Variants in PIEZO2 observed in about 807,000 individuals in gnomAD.
PIEZO2 encodes piezo-type mechanosensitive ion channel component 2.
In PIEZO2, 172 loss-of-function variants were observed where a neutral mutation model predicts 337.3. The observed-to-expected ratio is 0.51, with a 90% CI of 0.45 to 0.58. The LOEUF is 0.58. Ranked by LOEUF, PIEZO2 falls within the 20% of genes least tolerant of loss-of-function variation. The pLI is 0.00. For missense variants in PIEZO2, 3,028 were observed against 3,391.3 expected (o/e 0.89, Z 2.66); for synonymous variants, 1,251 against 1,228.5 (o/e 1.02, Z -0.38).
chr18:11,135,038 CAAA>C (rs5823137), intron 1 of PIEZO2, among the ~76,000 whole-genome samples: 1 of 137,826 alleles, frequency 7.3e-6, no homozygotes. Flanking sequence ...ATTAAGTAAG[CAAA>C]AAAAAAAAAA....
intron 1 of PIEZO2, among the ~76,000 whole-genome samples, chr18:11,085,516 C>T (rs2038879410): frequency 6.6e-6 from 1 of 152,190 alleles, no homozygotes; most frequent in Admixed American, 6.5e-5. Context: ...CCAAGCTTCT[C>T]CACTCAGCCC....
In PIEZO2 at chr18:10,943,680, G is replaced by A. The variant is rs190989130; in HGVS notation, c.287-32452C>T. 3.6e-3 allele frequency among the ~76,000 whole-genome samples: 549 copies of A among 152,280 alleles called. 2 individuals carry two copies. The highest frequency in any genetic ancestry group is 5.8e-3 in the Non-Finnish European group (394 of 68,022). ...TTTTGAGTTAATGATGAAATGAGTT[G>A]AGACTTTGGGGGACTGTTGGGAAGG... On this transcript the variant is annotated intron_variant, in intron 3 of 55. Transcript: ENST00000674853. The surrounding 1 kb of genome is among the most constrained non-coding windows in gnomAD (Gnocchi z 4.5).
chr18:10,971,957 G>C (rs934260767), intron 3 of PIEZO2, among the ~76,000 whole-genome samples: 1 of 152,056 alleles, frequency 6.6e-6, no homozygotes, highest in Non-Finnish European at 1.5e-5. Context: ...CCAGTAATAC[G>C]ATAGTGAAAG....
rs1216558267 is a variant in PIEZO2, at chr18:10,943,724, G to A, written c.287-32496C>T. On this transcript the variant is annotated intron_variant, in intron 3 of 55. Transcript: ENST00000674853. The surrounding 1 kb of genome is among the most constrained non-coding windows in gnomAD (Gnocchi z 4.5). The stretch of plus-strand genomic sequence containing the variant: ...GGGAAGGCATGATTGGTTTTGAAAT[G>A]TGAAGATATGAGATTTGGGAGGGGC... Among the ~76,000 whole-genome samples the A allele has an allele frequency of 2.6e-5, 4 of 152,172 alleles. No individual in the cohort carries two copies. The highest frequency in any genetic ancestry group is 2.9e-5 in the Non-Finnish European group (2 of 68,012).
chr18:11,017,417 T>C (rs1282711335), intron 2 of PIEZO2, among the ~76,000 whole-genome samples: 7 of 152,004 alleles, frequency 4.6e-5, no homozygotes. Context: ...CATAAAACAT[T>C]TCATTACAAT....
At chr18:10,694,830 G>C (rs2035012601) in intron 47 of PIEZO2, among the ~76,000 whole-genome samples, 1 of 146,780 alleles carries the variant, frequency 6.8e-6, no homozygotes, top group Non-Finnish European at 1.5e-5. Flanking sequence ...GTGAGATTTT[G>C]TCCCTAAAAA....
At chr18:10,858,321 C>CAA (rs11361243) in intron 5 of PIEZO2, among the ~76,000 whole-genome samples, 15 of 56,356 alleles carry the variant, frequency 2.7e-4, no homozygotes, top group African/African-American at 3.9e-4. Context: ...GACTTCAACC[C>CAA]AAAAAAAAAA....
At chr18:10,858,341 A>AAAC (rs2041781631) in intron 5 of PIEZO2, among the ~76,000 whole-genome samples, 1 of 141,460 alleles carries the variant, frequency 7.1e-6, no homozygotes, top group Non-Finnish European at 1.5e-5. Flanking sequence ...AAAAAAAAAA[A>AAAC]AAAAAAGAAA....
rs535009252 is a variant in PIEZO2, at chr18:11,079,917, T to C, written c.65-13695A>G. 7.0e-4 allele frequency among the ~76,000 whole-genome samples: 106 copies of C among 152,326 alleles called. 2 individuals carry two copies. Among genetic ancestry groups the C allele is most frequent in the African/African-American group, 1.8e-3 (74 of 41,584 alleles). ...TGCAGTGTGCCTGGGCATGGAACGA[T>C]GTTCACAATGCAACAAGTAAAAAAA... On this transcript the variant is annotated intron_variant, in intron 1 of 55. Coordinates refer to ENST00000674853, the MANE Select transcript of PIEZO2 (RefSeq NM_001378183.1).
rs1396009634 is a variant in PIEZO2 at position 10,828,464 on chromosome 18, G to C, written c.918-21190C>G. On this transcript the variant is annotated intron_variant, in intron 7 of 55. Coordinates refer to ENST00000674853, the MANE Select transcript of PIEZO2 (RefSeq NM_001378183.1). This position sits in a 1 kb window ranked among gnomAD's most constrained non-coding sequence, Gnocchi z 4.1. Reference sequence around the variant, plus strand: ...ATTTTAACAGCTTCTTCAATTAAGGGATTCATGTTTTCCTTCCATTGTTTC... The same window carrying C: ...ATTTTAACAGCTTCTTCAATTAAGGCATTCATGTTTTCCTTCCATTGTTTC... Among the ~76,000 whole-genome samples, 1 of 152,174 alleles carries C rather than the reference G, an allele frequency of 6.6e-6. No homozygotes were observed. Among genetic ancestry groups the C allele is most frequent in the Non-Finnish European group, 1.5e-5 (1 of 67,994 alleles).
intron 39 of PIEZO2, among the ~76,000 whole-genome samples, chr18:10,710,220 T>C (rs2143830852): frequency 6.6e-6 from 1 of 152,342 alleles, no homozygotes; most frequent in South Asian, 2.1e-4. Flanking sequence ...TGGATGGAGT[T>C]CTCAGAACCC....
At chr18:10,867,957 G>A (rs989887270) in intron 5 of PIEZO2, among the ~76,000 whole-genome samples, 5 of 152,202 alleles carry the variant, frequency 3.3e-5, no homozygotes, top group Admixed American at 1.3e-4. Context: ...GGGTTTCCTT[G>A]CTGAAGTTGG....
chr18:10,968,261 A>T (rs1776595971), intron 3 of PIEZO2, among the ~76,000 whole-genome samples: 1 of 152,132 alleles, frequency 6.6e-6, no homozygotes, highest in African/African-American at 2.4e-5. Flanking sequence ...TTAGCTGTTA[A>T]GCGTTTGGCT....
At chr18:11,060,045 A>T (rs865851165) in intron 2 of PIEZO2, among the ~76,000 whole-genome samples, 25 of 152,336 alleles carry the variant, frequency 1.6e-4, no homozygotes, top group Non-Finnish European at 3.4e-4. Flanking sequence ...AACAGAAATT[A>T]TAAGAAACTG....
intron 10 of PIEZO2, 77 bp downstream of exon 10, chr18:10,801,313 C>T: frequency 7.8e-7 from 1 of 1,274,004 alleles, no homozygotes; most frequent in Non-Finnish European, 1.1e-6. Context: ...TTAAAATAGA[C>T]TCAAAGGAGC....
chr18:10,831,530 G>C (rs573608954), intron 7 of PIEZO2, among the ~76,000 whole-genome samples: 1 of 152,152 alleles, frequency 6.6e-6, no homozygotes, highest in African/African-American at 2.4e-5. Context: ...GGCTAGGATG[G>C]GTAGTGGGGT....
Position 10,789,168 on chromosome 18 carries a change from T to C in PIEZO2, c.2080A>G (p.Met694Val), listed in dbSNP as rs2039327813. 6.5e-7 allele frequency: 1 copy of C among 1,537,168 alleles called. No homozygotes were observed. Among genetic ancestry groups the C allele is most frequent in the African/African-American group, 1.4e-5 (1 of 73,062 alleles). Residue 694 changes from methionine (M) to valine (V), a missense_variant, in exon 15 of 56, where the codon ATG becomes GTG. Coordinates refer to ENST00000674853, the MANE Select transcript of PIEZO2 (RefSeq NM_001378183.1). ...IKYWIYVCGGMFFFVSFEGKI... is the reference protein window; with the variant it reads ...IKYWIYVCGGVFFFVSFEGKI... The stretch of plus-strand genomic sequence containing the variant: ...CCCTCGAAGCTGACGAAGAAGAACA[T>C]GCCTCCGCAGACGTAGATCCAGTAC...
Position 11,038,333 on chromosome 18 carries a change from T to C in PIEZO2, c.160+27794A>G, listed in dbSNP as rs1005340684. Among the ~76,000 whole-genome samples, 3 of 152,142 alleles carry C rather than the reference T, an allele frequency of 2.0e-5. No individual in the cohort carries two copies. The highest frequency in any genetic ancestry group is 7.2e-5 in the African/African-American group (3 of 41,420). On this transcript the variant is annotated intron_variant, in intron 2 of 55. Coordinates refer to ENST00000674853, the MANE Select transcript of PIEZO2 (RefSeq NM_001378183.1). This position sits in a 1 kb window ranked among gnomAD's most constrained non-coding sequence, Gnocchi z 4.1. ...AACTGCTTAGCTGAGCAATATTATT[T>C]CTAAGTTGTATTTTCCTTCCTTAAT...
rs144524343 is a variant in PIEZO2, at chr18:11,044,865, T to C, written c.160+21262A>G. On this transcript the variant is annotated intron_variant, in intron 2 of 55. Transcript: ENST00000674853. ...GTGTTTCTGTTTTAAAGAAAATGTA[T>C]TGGCTGGGTGCAGTGGCTCATGCTT... Among the ~76,000 whole-genome samples, 435 of 152,254 alleles carry C rather than the reference T, an allele frequency of 2.9e-3. 3 individuals are homozygous for C. The highest frequency in any genetic ancestry group is 9.6e-3 in the African/African-American group (399 of 41,544).
Sources: gnomAD v4.1 joint callset for allele counts (sites outside exome capture counted in the v4.1 genomes callset) on GRCh38, gnomAD v4.1.1 for gene constraint, Gnocchi (gnomAD v3.1) non-coding constraint, MANE v1.5 for transcripts, NCBI Gene and HGNC (gene_info 2026-07-23, HGNC 2026-07-21) for gene names.